Variants in IFNGR2 observed in about 807,000 individuals in gnomAD.
The protein encoded by IFNGR2 is interferon gamma receptor 2.
Under a neutral mutation model 41.1 loss-of-function variants are expected in IFNGR2, and 15 were observed. The observed-to-expected ratio is 0.37, with a 90% confidence interval of 0.24 to 0.56. The LOEUF (loss-of-function observed/expected upper bound fraction) is 0.56. IFNGR2 is among the 20% of genes least tolerant of loss of function. The pLI is 0.81. For synonymous variants in IFNGR2, 161 were observed against 171.6 expected, an observed-to-expected ratio of 0.94 and a Z score of 0.48; for missense variants, 362 against 415.7, an observed-to-expected ratio of 0.87 and a Z score of 1.12.
chr21:33,420,057 C>T (rs1033802096), intron 2 of IFNGR2, among the ~76,000 whole-genome samples: 1 of 152,176 alleles, frequency 6.6e-6, no homozygotes, highest in African/African-American at 2.4e-5. Context: ...TAGGGTCTGT[C>T]ACCCTGGGGC....
chr21:33,411,550 G>A (rs950803063), intron 1 of IFNGR2: 25 of 470,594 alleles, frequency 5.3e-5, no homozygotes, highest in Admixed American at 4.0e-4. Flanking sequence ...GCTGCCTGAC[G>A]TACAAAAGGG....
intron 6 of IFNGR2, 78 bp from the exon 7 acceptor site, chr21:33,436,747 TAAA>T: frequency 8.8e-7 from 1 of 1,136,750 alleles, no homozygotes; most frequent in Non-Finnish European, 1.3e-6. Context: ...AAAAATAAAA[TAAA>T]AACAAAAACT....
chr21:33,422,141 T>G (rs1415058741), intron 3 of IFNGR2, among the ~76,000 whole-genome samples: 1 of 152,254 alleles, frequency 6.6e-6, no homozygotes, highest in East Asian at 1.9e-4. Flanking sequence ...CAACTTCTTT[T>G]GTGTTGCAGA....
chr21:33,436,719 C>CAAA, intron 6 of IFNGR2, 109 bp from the exon 7 acceptor site: 2 of 791,102 alleles, frequency 2.5e-6, no homozygotes, highest in Non-Finnish European at 1.9e-6. Flanking sequence ...GACTCCATCT[C>CAAA]AAAAAAAAAA....
chr21:33,420,236 C>G (rs1452592266), intron 2 of IFNGR2, among the ~76,000 whole-genome samples: 1 of 151,922 alleles, frequency 6.6e-6, no homozygotes, highest in Non-Finnish European at 1.5e-5. Flanking sequence ...CGTGGGGATA[C>G]AGAGCGGTCT....
At chr21:33,425,221 G>A (rs1006924574) in intron 3 of IFNGR2, among the ~76,000 whole-genome samples, 8 of 152,062 alleles carry the variant, frequency 5.3e-5, no homozygotes, top group Non-Finnish European at 1.2e-4. Flanking sequence ...TGCCCATCCC[G>A]TGATACCCTT....
At chr21:33,430,477 C>T (rs17879485) in intron 4 of IFNGR2, among the ~76,000 whole-genome samples, 2 of 152,192 alleles carry the variant, frequency 1.3e-5, no homozygotes, top group African/African-American at 4.8e-5. Context: ...CAATTTCACT[C>T]TGTCACCCAG....
upstream of IFNGR2, chr21:33,403,380 C>G (rs922318778): frequency 3.5e-5 from 8 of 225,468 alleles, no homozygotes; most frequent in Admixed American, 2.5e-4. Flanking sequence ...CGCGGGCGGC[C>G]GAGCCGAATC....
At chr21:33,418,016 T>TA (rs1555880201) in intron 2 of IFNGR2, among the ~76,000 whole-genome samples, 8 of 152,192 alleles carry the variant, frequency 5.3e-5, no homozygotes, top group Admixed American at 1.3e-4. Context: ...TGGTTTTATT[T>TA]TTTATTTATT....
chr21:33,411,963 C>A (rs1460195466), intron 1 of IFNGR2, among the ~76,000 whole-genome samples: 1 of 152,096 alleles, frequency 6.6e-6, no homozygotes, highest in Non-Finnish European at 1.5e-5. Context: ...GGCTAGAGTG[C>A]AATGATTATT....
Position 33,432,818 on chromosome 21 carries a change from C to T in IFNGR2, c.826C>T (p.Leu276=). Residue 276 remains leucine (L), a synonymous_variant, in exon 6 of 7, where the codon CTG becomes TTG. Transcript: ENST00000290219. ...CFFLVLKYRG[L]IKYWFHTPPS... ...CTTCCTGGTCCTGAAATATAGAGGC[C>T]TGATTAAATACTGGTTTCACACTCC... is the stretch of plus-strand genomic sequence containing the variant. The T allele has an allele frequency of 6.2e-7, 1 of 1,613,592 alleles. No homozygotes were observed. The highest frequency in any genetic ancestry group is 8.5e-7 in the Non-Finnish European group (1 of 1,179,838).
chr21:33,403,408 C>A, upstream of IFNGR2: 1 of 352,016 alleles, frequency 2.8e-6, no homozygotes, highest in Non-Finnish European at 4.2e-6. Context: ...CCGGGACGCC[C>A]CGCTGCTGCT....
intron 1 of IFNGR2, among the ~76,000 whole-genome samples, chr21:33,412,977 C>G (rs2083727676): frequency 6.6e-6 from 1 of 152,142 alleles, no homozygotes; most frequent in African/African-American, 2.4e-5. Context: ...TGGAAGAAGC[C>G]TGTGTAGGAT....
chr21:33,437,298 AGT>A lies in IFNGR2; in HGVS notation c.*337_*338del. ...TTTTTCATTATTGGTTGGGCTGAGC[AGT>A]CAGAAGACCTGGTCGTCGTCTTGAC... is the stretch of plus-strand genomic sequence containing the variant. On this transcript the variant is annotated 3_prime_UTR_variant, in exon 7 of 7. Transcript: ENST00000290219. 1.0e-5 allele frequency: 3 copies of A among 287,836 alleles called. No homozygotes were observed. The highest frequency in any genetic ancestry group is 7.2e-5 in the South Asian group (2 of 27,808). 17.8% of individuals were successfully genotyped at this position (287,836 alleles called of 1,614,324 possible). A position where few individuals can be genotyped will look rare whatever the true frequency, so the allele number is the denominator to read the frequency against.
In IFNGR2 at chr21:33,432,312, T is replaced by A; in HGVS notation, c.697T>A (p.Ser233Thr). The A allele has an allele frequency of 6.2e-7, 1 of 1,614,142 alleles. No homozygotes were observed. The highest frequency in any genetic ancestry group is 8.5e-7 in the Non-Finnish European group (1 of 1,179,972). The change falls in exon 5 of 7, where the codon TCT (serine) becomes ACT (threonine). Residue 233 changes from serine to threonine, a missense_variant. Physicochemically the swap from Ser to Thr is moderately conservative, Grantham distance 58. Transcript: ENST00000290219. ...IFRVGHLSNI[S>T]CYETMADAST... ...TAGAGTCGGGCATTTAAGCAACATA[T>A]CTTGCTACGAAACAATGGCAGATGG...
chr21:33,420,737 G>A (rs1428496965), intron 2 of IFNGR2, among the ~76,000 whole-genome samples: 4 of 152,116 alleles, frequency 2.6e-5, no homozygotes, highest in Admixed American at 2.6e-4. Flanking sequence ...TCAACAATTA[G>A]AAGACAAATA....
intron 3 of IFNGR2, among the ~76,000 whole-genome samples, chr21:33,424,781 G>A (rs556577817): frequency 3.5e-4 from 54 of 152,190 alleles, no homozygotes; most frequent in South Asian, 2.7e-3. Flanking sequence ...TCGCTCTGTC[G>A]CCCAGGCTGG....
At chr21:33,418,521 CAT>C (rs1255648954) in intron 2 of IFNGR2, among the ~76,000 whole-genome samples, 1 of 152,116 alleles carries the variant, frequency 6.6e-6, no homozygotes, top group Non-Finnish European at 1.5e-5. Context: ...TAGATACAAA[CAT>C]GTGTTTGGGA....
intron 2 of IFNGR2, among the ~76,000 whole-genome samples, chr21:33,416,925 C>CTTTT (rs554788768): frequency 7.8e-6 from 1 of 128,262 alleles, no homozygotes; most frequent in African/African-American, 2.9e-5. Flanking sequence ...TTTTCTTTTT[C>CTTTT]TTTTTTTTTT....
Sources: gnomAD v4.1 joint callset for allele counts (sites outside exome capture counted in the v4.1 genomes callset) on GRCh38, gnomAD v4.1.1 for gene constraint, MANE v1.5 for transcripts, NCBI Gene and HGNC (gene_info 2026-07-23, HGNC 2026-07-21) for gene names.